MGRN1: variants seen among roughly 807,000 people sequenced by gnomAD.
MGRN1 encodes the protein E3 ubiquitin-protein ligase MGRN1.
A neutral mutation model predicts 69.2 loss-of-function variants in MGRN1; 29 were observed. The observed-to-expected ratio is 0.42, with a 90% CI of 0.31 to 0.57. The LOEUF (loss-of-function observed/expected upper bound fraction) is 0.57. Ranked by LOEUF, MGRN1 falls within the 20% of genes least tolerant of loss-of-function variation. The pLI is 0.15. For synonymous variants in MGRN1, 470 were observed against 344.2 expected (o/e 1.37, Z -4.04); for missense variants, 998 against 796.2 (o/e 1.25, Z -3.05).
At position 4,681,651 on chromosome 16, in the gene MGRN1, T is replaced by C; in HGVS notation, c.1233T>C (p.Tyr411=). The stretch of plus-strand genomic sequence containing the variant: ...CGGCCATCCCCTCGGCCCCTCTTTA[T>C]GAAGAAATCACCTATTCAGGCATCT... ...VSPAIPSAPL[Y]EEITYSGISD... is the part of the protein sequence containing the mutation. The change falls in exon 13 of 17, where the codon TAT becomes TAC. Residue 411 remains tyrosine (Y), a synonymous_variant. Coordinates refer to ENST00000262370, the MANE Select transcript of MGRN1 (RefSeq NM_015246.4). 1 of 1,613,512 alleles carries C rather than the reference T, an allele frequency of 6.2e-7. No individual in the cohort carries two copies. The highest frequency in any genetic ancestry group is 8.5e-7 in the Non-Finnish European group (1 of 1,180,022).
chr16:4,683,292 A>G, intron 15 of MGRN1, 23 bp downstream of exon 15: 1 of 1,613,300 alleles, frequency 6.2e-7, no homozygotes, highest in Non-Finnish European at 8.5e-7. Context: ...TTCCATGGGC[A>G]CAAACCGCAT....
intron 1 of MGRN1, among the ~76,000 whole-genome samples, chr16:4,645,360 C>T (rs1484683375): frequency 1.3e-5 from 2 of 151,968 alleles, no homozygotes; most frequent in African/African-American, 2.4e-5. Flanking sequence ...GTAGAGACAG[C>T]GTCTCCCTAT....
At chr16:4,643,455 C>T (rs752394543) in intron 1 of MGRN1, among the ~76,000 whole-genome samples, 6 of 148,894 alleles carry the variant, frequency 4.0e-5, no homozygotes, top group South Asian at 2.1e-4. Context: ...CTGCAACCTC[C>T]GCTTCCTGGG....
intron 16 of MGRN1, chr16:4,688,259 C>T (rs546626222): frequency 7.1e-5 from 70 of 985,730 alleles, no homozygotes; most frequent in Admixed American, 1.2e-4. Flanking sequence ...CTGGGGACAG[C>T]GCCCGGCGGC....
chr16:4,647,612 G>A (rs1285517222), intron 1 of MGRN1, among the ~76,000 whole-genome samples: 4 of 152,194 alleles, frequency 2.6e-5, no homozygotes, highest in African/African-American at 7.2e-5. Flanking sequence ...CAGTGCGTGC[G>A]GTGACCCCTC....
chr16:4,677,476 C>A lies in MGRN1; in HGVS notation c.969C>A (p.Leu323=), dbSNP rs530137660. 1.5e-5 allele frequency: 24 copies of A among 1,567,490 alleles called. No homozygotes were observed. The South Asian group carries it at 2.3e-4, about 15-fold the overall frequency. Residue 323 remains leucine, a synonymous_variant, in exon 11 of 17, where the codon CTC becomes CTA. Coordinates refer to ENST00000262370, the MANE Select transcript of MGRN1 (RefSeq NM_015246.4). ...CPICRLPFRA[L]LQIRAVRKKP... ...CTTCTGCCGCAGCTTTCCGGGCCCT[C>A]CTGCAGATCCGGGCGGTGCGGAAGA...
chr16:4,670,884 C>T (rs945478357), intron 8 of MGRN1, among the ~76,000 whole-genome samples: 2 of 152,196 alleles, frequency 1.3e-5, no homozygotes, highest in Admixed American at 6.5e-5. Context: ...CAGCACAAAC[C>T]GCTTTGCAAT....
rs1216643573 is a variant in MGRN1, at chr16:4,684,006, T to C, written c.1618+74T>C. The C allele has an allele frequency of 3.8e-6, 5 of 1,312,810 alleles. No homozygotes were observed. The East Asian group carries it at 1.3e-4, about 33-fold the overall frequency. 81.3% of individuals were successfully genotyped at this position (1,312,810 alleles called of 1,614,324 possible). On this transcript the variant is annotated intron_variant, in intron 16 of 16. Coordinates refer to ENST00000262370, the MANE Select transcript of MGRN1 (RefSeq NM_015246.4). The stretch of plus-strand genomic sequence containing the variant: ...CCCCAGGGAGGGGGCCCTGCTCTGA[T>C]GGTCGGTGCATAGCAGCAGAGGCTG...
intron 2 of MGRN1, among the ~76,000 whole-genome samples, 183 bp from the exon 3 acceptor site, chr16:4,651,780 T>C (rs1023982995): frequency 1.3e-5 from 2 of 152,060 alleles, no homozygotes; most frequent in Admixed American, 1.3e-4. Context: ...GGCCGTTGCG[T>C]GTGCTGGCTG....
intron 16 of MGRN1, chr16:4,686,202 T>C (rs1183041362): frequency 6.5e-7 from 1 of 1,533,454 alleles, no homozygotes; most frequent in Admixed American, 2.0e-5. Flanking sequence ...GTGGCTGTGC[T>C]GGCTGCTGCG....
chr16:4,678,354 AAC>A (rs1244246052), intron 11 of MGRN1, among the ~76,000 whole-genome samples: 1 of 152,228 alleles, frequency 6.6e-6, no homozygotes, highest in African/African-American at 2.4e-5. Flanking sequence ...TGCACAGAGA[AAC>A]ACAGAGACAG....
At chr16:4,626,986 G>A (rs934183755) in intron 1 of MGRN1, among the ~76,000 whole-genome samples, 11 of 152,056 alleles carry the variant, frequency 7.2e-5, no homozygotes, top group African/African-American at 2.7e-4. Flanking sequence ...GCAGATACTT[G>A]TTCTTCTCTT....
chr16:4,664,906 G>A lies in MGRN1; in HGVS notation c.628+131G>A, dbSNP rs766543250. The A allele has an allele frequency of 3.2e-4, 421 of 1,325,142 alleles. 2 individuals are homozygous for A. Among genetic ancestry groups the A allele is most frequent in the Middle Eastern group, 5.8e-4 (3 of 5,214 alleles). The allele number at this position is 1,325,142 out of a possible 1,614,324, so 82.1% of individuals were successfully genotyped here. On this transcript the variant is annotated intron_variant, in intron 6 of 16. Transcript: ENST00000262370. ...GGCCTTGGGCTTCCCACAGGGCAGG[G>A]TGTGAGCAGCTTGGAGTCCCGGGCA...
chr16:4,682,064 C>T (rs553489801), intron 13 of MGRN1, among the ~76,000 whole-genome samples: 66 of 152,320 alleles, frequency 4.3e-4, no homozygotes, highest in African/African-American at 1.5e-3. Flanking sequence ...CTGCAGGGGT[C>T]GGTGCTGTGT....
At chr16:4,630,982 C>A (rs912258617) in intron 1 of MGRN1, among the ~76,000 whole-genome samples, 1 of 151,794 alleles carries the variant, frequency 6.6e-6, no homozygotes, top group Admixed American at 6.6e-5. Flanking sequence ...CTATGCCCAG[C>A]AAAGTTTTTG....
chr16:4,668,224 C>T (rs1301705205), intron 7 of MGRN1, 41 bp from the exon 8 acceptor site: 2 of 1,602,900 alleles, frequency 1.2e-6, no homozygotes, highest in Non-Finnish European at 1.7e-6. Flanking sequence ...TCAGAGGCGC[C>T]AGCTTGACCA....
chr16:4,673,733 AG>A, intron 10 of MGRN1, 76 bp downstream of exon 10: 2 of 1,526,280 alleles, frequency 1.3e-6, no homozygotes, highest in Non-Finnish European at 8.9e-7. Flanking sequence ...GTCCTGGGAT[AG>A]GGGGCCACAG....
chr16:4,664,253 T>C (rs781290632), intron 5 of MGRN1: 3 of 231,558 alleles, frequency 1.3e-5, no homozygotes, highest in Non-Finnish European at 2.6e-5. Context: ...GAAACATACC[T>C]AGACACAGAA....
intron 10 of MGRN1, 101 bp downstream of exon 10, chr16:4,673,758 T>G (rs184981574): frequency 1.4e-6 from 2 of 1,407,206 alleles, no homozygotes; most frequent in Non-Finnish European, 1.9e-6. Context: ...CGTTGATGGC[T>G]AAGAAAGAAG....
Sources: gnomAD v4.1 joint callset for allele counts (sites outside exome capture counted in the v4.1 genomes callset) on GRCh38, gnomAD v4.1.1 for gene constraint, MANE v1.5 for transcripts, NCBI Gene and HGNC (gene_info 2026-07-23, HGNC 2026-07-21) for gene names.